GPHN: variants seen among roughly 807,000 people sequenced by gnomAD.
GPHN encodes gephyrin.
GPHN carries 17 observed loss-of-function variants against 95.5 expected under a neutral mutation model. That is an observed-to-expected ratio of 0.18 (90% CI 0.12 to 0.27). The LOEUF (loss-of-function observed/expected upper bound fraction) is 0.27. Among genes scored for constraint, GPHN ranks in the 10% least tolerant of loss-of-function variants. The probability of loss-of-function intolerance (pLI) is 1.00; values close to 1 mark genes in which losing one functional copy is unlikely to be tolerated. For synonymous variants in GPHN, 320 were observed against 322.5 expected (o/e 0.99, Z 0.08); for missense variants, 660 against 978.1 (o/e 0.67, Z 4.34).
the GPHN span, among the ~76,000 whole-genome samples, chr14:67,350,904 A>C: frequency 6.6e-6 from 1 of 152,262 alleles, no homozygotes; most frequent in African/African-American, 2.4e-5. Flanking sequence ...ATTAAAACAG[A>C]ATAAATGCAT....
At chr14:66,573,450 CTT>C (rs369274048) in intron 1 of GPHN, among the ~76,000 whole-genome samples, 1,934 of 137,398 alleles carry the variant, frequency 0.014, 21 homozygotes, top group Middle Eastern at 0.02. Context: ...ATATAATAAC[CTT>C]TTTTTTTTTT....
chr14:67,649,517 T>C, the GPHN span: 1 of 152,136 alleles, frequency 6.6e-6, no homozygotes, highest in African/African-American at 2.4e-5. Context: ...GTCATGTATA[T>C]ATTTCTAATA....
chr14:67,692,763 T>C, the GPHN span: 2 of 871,986 alleles, frequency 2.3e-6, no homozygotes, highest in Non-Finnish European at 3.5e-6. Context: ...ATAATATTCA[T>C]TAAGGGTCCA....
intron 17 of GPHN, among the ~76,000 whole-genome samples, chr14:67,141,231 G>A (rs1232596685): frequency 6.6e-6 from 1 of 152,130 alleles, no homozygotes; most frequent in Non-Finnish European, 1.5e-5. Context: ...CCCAGACCCT[G>A]TAAGAGAACC....
chr14:66,748,428 A>C (rs570274805), intron 2 of GPHN, among the ~76,000 whole-genome samples: 1 of 151,948 alleles, frequency 6.6e-6, no homozygotes, highest in African/African-American at 2.4e-5. Context: ...AGATTTTCCC[A>C]TATACCCCCT....
At chr14:67,651,185 A>G in the GPHN span, 3 of 1,059,252 alleles carry the variant, frequency 2.8e-6, no homozygotes, top group Non-Finnish European at 4.0e-6. Flanking sequence ...TTACCTTGGT[A>G]TATCATACTG....
At chr14:67,589,518 G>GCTAT in the GPHN span, 1 of 985,172 alleles carries the variant, frequency 1.0e-6, no homozygotes, top group East Asian at 1.1e-4. Context: ...ATAAAAAGCA[G>GCTAT]CTATCTGTGA....
intron 10 of GPHN, among the ~76,000 whole-genome samples, chr14:67,029,595 C>G (rs554180889): frequency 1.9e-4 from 29 of 152,178 alleles, no homozygotes; most frequent in African/African-American, 6.3e-4. Context: ...CCTCAGCCCC[C>G]CAAAGTGCTG....
At chr14:67,496,388 GGC>G in the GPHN span, among the ~76,000 whole-genome samples, 18 of 54,664 alleles carry the variant, frequency 3.3e-4, no homozygotes, top group African/African-American at 8.2e-4. Flanking sequence ...CCACTGCTCC[GGC>G]GTTTTTTTTT....
the GPHN span, among the ~76,000 whole-genome samples, chr14:67,363,623 T>C: frequency 6.6e-6 from 1 of 152,180 alleles, no homozygotes; most frequent in African/African-American, 2.4e-5. Context: ...AACCTGTGCT[T>C]CAGTTTTTTA....
the GPHN span, among the ~76,000 whole-genome samples, chr14:67,522,354 C>G: frequency 6.6e-6 from 1 of 152,216 alleles, no homozygotes; most frequent in African/African-American, 2.4e-5. Flanking sequence ...AAAATCCAAA[C>G]TCCAAGCTGG....
chr14:67,225,954 TGTGTGTGTGCGCGCGC>T, the GPHN span, among the ~76,000 whole-genome samples: 262 of 138,092 alleles, frequency 1.9e-3, 1 homozygote, highest in African/African-American at 7.5e-3. Context: ...TGTGTGTGTG[TGTGTGTGTGCGCGCGC>T]GCGCGTGCGC....
intron 21 of GPHN, among the ~76,000 whole-genome samples, chr14:67,174,132 T>C (rs779019386): frequency 6.6e-6 from 1 of 152,228 alleles, no homozygotes; most frequent in African/African-American, 2.4e-5. Context: ...TGCAGGTTTG[T>C]TACATAGGTA....
chr14:66,594,412 A>G (rs965801901), intron 1 of GPHN, among the ~76,000 whole-genome samples: 9 of 152,214 alleles, frequency 5.9e-5, no homozygotes, highest in Non-Finnish European at 1.0e-4. Context: ...CGTGCTTTGA[A>G]AATCTACTAC....
At chr14:67,500,426 G>A in the GPHN span, among the ~76,000 whole-genome samples, 2 of 152,016 alleles carry the variant, frequency 1.3e-5, no homozygotes, top group Non-Finnish European at 2.9e-5. Flanking sequence ...GGTGAGCTGA[G>A]CTCTCACCAT....
At chr14:67,419,391 T>C in the GPHN span, among the ~76,000 whole-genome samples, 2 of 152,080 alleles carry the variant, frequency 1.3e-5, no homozygotes, top group East Asian at 3.9e-4. Flanking sequence ...CTGCACGGTT[T>C]TTCCCAGCCC....
intron 9 of GPHN, among the ~76,000 whole-genome samples, chr14:66,980,590 G>T (rs1159303973): frequency 6.6e-6 from 1 of 151,704 alleles, no homozygotes; most frequent in African/African-American, 2.4e-5. Context: ...TTATATAAAG[G>T]TCTAATTTTA....
At chr14:67,179,557 C>G (rs776669765) in intron 21 of GPHN, 21 bp from the exon 22 acceptor site, 1 of 1,441,558 alleles carries the variant, frequency 6.9e-7, no homozygotes, top group Non-Finnish European at 9.8e-7. Flanking sequence ...AGTTTGTTTT[C>G]TTTTCTACTT....
At chr14:67,318,103 G>GT in the GPHN span, among the ~76,000 whole-genome samples, 1 of 152,098 alleles carries the variant, frequency 6.6e-6, no homozygotes, top group East Asian at 1.9e-4. Context: ...TCCTTAGTTT[G>GT]TTTTTATGGG....
Sources: gnomAD v4.1 joint callset for allele counts (sites outside exome capture counted in the v4.1 genomes callset) on GRCh38, gnomAD v4.1.1 for gene constraint, MANE v1.5 for transcripts, NCBI Gene and HGNC (gene_info 2026-07-23, HGNC 2026-07-21) for gene names.